Variants in PRKCH observed in about 807,000 individuals in gnomAD.
The protein encoded by PRKCH is protein kinase C eta type.
In PRKCH, 28 loss-of-function variants were observed where a neutral mutation model predicts 82.5. That is an observed-to-expected ratio of 0.34 (90% confidence interval 0.25 to 0.47). PRKCH has a LOEUF of 0.47. Among genes scored for constraint, PRKCH ranks in the 20% least tolerant of loss-of-function variants. The pLI, the probability that PRKCH is intolerant of heterozygous loss-of-function variation, is 1.00. For missense variants in PRKCH, 705 were observed against 881.8 expected (o/e 0.80, Z 2.54); for synonymous variants, 322 against 327.4 (o/e 0.98, Z 0.18).
rs115860494 is a variant in PRKCH at position 61,436,827 on chromosome 14, C to T, written c.428-6284C>T. Among the ~76,000 whole-genome samples the T allele has an allele frequency of 2.3e-3, 355 of 152,378 alleles. 2 individuals are homozygous for T. Among genetic ancestry groups the T allele is most frequent in the African/African-American group, 8.0e-3 (334 of 41,586 alleles). ...GATTACAGGCATGAGCCGCCACACCCGGCCTTGCTGCCATTTTTAAATACC... is the reference window on the plus strand; with the variant it reads ...GATTACAGGCATGAGCCGCCACACCTGGCCTTGCTGCCATTTTTAAATACC... On this transcript the variant is annotated intron_variant, in intron 2 of 13. Transcript: ENST00000332981.
At chr14:61,425,770 T>A (rs770909374) in intron 2 of PRKCH, among the ~76,000 whole-genome samples, 2 of 152,244 alleles carry the variant, frequency 1.3e-5, no homozygotes, top group Non-Finnish European at 2.9e-5. Flanking sequence ...TTAGGCTTTG[T>A]GTCCCCACCT....
intron 1 of PRKCH, among the ~76,000 whole-genome samples, chr14:61,239,251 T>C (rs2044814896): frequency 6.6e-6 from 1 of 152,216 alleles, no homozygotes; most frequent in Middle Eastern, 3.2e-3. Flanking sequence ...CAATCCATTT[T>C]ACTAAGGGTT....
At chr14:61,498,969 C>T (rs1329347953) in intron 10 of PRKCH, among the ~76,000 whole-genome samples, 1 of 152,140 alleles carries the variant, frequency 6.6e-6, no homozygotes, top group Non-Finnish European at 1.5e-5. Context: ...GAAATGATTT[C>T]AGCCCTAAGG....
chr14:61,254,019 C>T (rs1594875884), intron 1 of PRKCH, among the ~76,000 whole-genome samples: 1 of 136,494 alleles, frequency 7.3e-6, no homozygotes, highest in African/African-American at 2.7e-5. Context: ...CCCTTCCTTC[C>T]TTCCTTCCTT....
intron 2 of PRKCH, among the ~76,000 whole-genome samples, chr14:61,421,602 A>G (rs932101915): frequency 2.6e-5 from 4 of 152,144 alleles, no homozygotes. Flanking sequence ...CCAGACCTTC[A>G]TATTCATTGT....
chr14:61,499,256 A>C (rs1259176792), intron 10 of PRKCH, among the ~76,000 whole-genome samples: 1 of 152,200 alleles, frequency 6.6e-6, no homozygotes, highest in African/African-American at 2.4e-5. Context: ...TTGTCTTGCA[A>C]ATGTCAAATT....
intron 1 of PRKCH, among the ~76,000 whole-genome samples, chr14:61,326,683 C>T (rs2045701366): frequency 6.6e-6 from 1 of 152,202 alleles, no homozygotes; most frequent in Admixed American, 6.5e-5. Flanking sequence ...GACAGAATTT[C>T]AGCTGAGCCA....
chr14:61,210,813 T>TGTGC (rs1171409388), intron 1 of PRKCH, among the ~76,000 whole-genome samples: 2 of 151,242 alleles, frequency 1.3e-5, no homozygotes, highest in African/African-American at 4.9e-5. Flanking sequence ...TGTGTGTGTG[T>TGTGC]GCGTGCACGC....
rs1887099057 is a variant in PRKCH, at chr14:61,505,395, C to CTTTTTCTTTTTTTTTTTTTTTTTTT, written c.1433+19744_1433+19745insCTTTTTTTTTTTTTTTTTTTTTTTT. 3.0e-4 allele frequency among the ~76,000 whole-genome samples: 17 copies of CTTTTTCTTTTTTTTTTTTTTTTTTT among 55,738 alleles called. 1 individual carries two copies. The highest frequency in any genetic ancestry group is 6.5e-4 in the African/African-American group (10 of 15,364). The allele number at this position is 55,738 out of a possible 152,430, so 36.6% of individuals were successfully genotyped here. A position where few individuals can be genotyped will look rare whatever the true frequency, so the allele number is the denominator to read the frequency against. Reference sequence around the variant, plus strand: ...TTTGTCTTTTCTTTTCTTTTCTTTTCTTTTTTTTTTTTTTTTTTTTTTTTT... The same window carrying CTTTTTCTTTTTTTTTTTTTTTTTTT: ...TTTGTCTTTTCTTTTCTTTTCTTTTCTTTTTCTTTTTTTTTTTTTTTTTTTTTTTTTTTTTTTTTTTTTTTTTTTT... On this transcript the variant is annotated intron_variant, in intron 10 of 13. Coordinates refer to ENST00000332981, the MANE Select transcript of PRKCH (RefSeq NM_006255.5).
At chr14:61,355,217 T>A (rs2046132931) in intron 1 of PRKCH, among the ~76,000 whole-genome samples, 3 of 152,250 alleles carry the variant, frequency 2.0e-5, no homozygotes, top group African/African-American at 7.2e-5. Context: ...CTTGTCTTAT[T>A]TTCTGCTAAA....
At chr14:61,385,183 G>A (rs941256739) in intron 1 of PRKCH, among the ~76,000 whole-genome samples, 1 of 150,680 alleles carries the variant, frequency 6.6e-6, no homozygotes, top group African/African-American at 2.5e-5. Context: ...TTTCTATGTG[G>A]GGCTGCCCTA....
intron 12 of PRKCH, among the ~76,000 whole-genome samples, chr14:61,545,977 G>C (rs2043252416): frequency 6.6e-6 from 1 of 152,178 alleles, no homozygotes; most frequent in Non-Finnish European, 1.5e-5. Flanking sequence ...GGCAGGCCTG[G>C]GAATTTCCCA....
At chr14:61,265,481 AAAAAAC>A (rs2045091486) in intron 1 of PRKCH, among the ~76,000 whole-genome samples, 1 of 152,190 alleles carries the variant, frequency 6.6e-6, no homozygotes. Context: ...ACCTTGTCTC[AAAAAAC>A]AAAAACAAAA....
rs763975643 is a variant in PRKCH at position 61,280,416 on chromosome 14, G to A, written c.-19+92748G>A. ...ACACCACGAAGTCCTGATTGATGAA[G>A]CCGGTGTTGTTGGGGTCGGGGCTGA... On this transcript the variant is annotated intron_variant, in intron 1 of 3. Coordinates refer to the PRKCH transcript ENST00000555185. The surrounding 1 kb of genome is among the most constrained non-coding windows in gnomAD (Gnocchi z 5.0). The A allele has an allele frequency of 6.2e-7, 1 of 1,614,026 alleles. No individual in the cohort carries two copies. The highest frequency in any genetic ancestry group is 1.1e-5 in the South Asian group (1 of 91,088).
intron 1 of PRKCH, among the ~76,000 whole-genome samples, chr14:61,343,351 CA>C (rs57154047): frequency 0.12 from 10,186 of 86,860 alleles, 301 homozygotes; most frequent in African/African-American, 0.19. Flanking sequence ...CCAGTTCCCT[CA>C]AAAAAAAAAA....
intron 1 of PRKCH, among the ~76,000 whole-genome samples, chr14:61,327,989 G>A (rs555351590): frequency 1.1e-4 from 16 of 151,564 alleles, no homozygotes; most frequent in Admixed American, 2.0e-4. Context: ...GGTGGCTCAC[G>A]CCTGTAATCC....
In PRKCH at chr14:61,450,804, A is replaced by G. The variant is rs1057433698; in HGVS notation, c.703-38A>G. ...AGTTTTTACAAAGGACATTGGTATG[A>G]CATTTTAGCTCTTGTCCCTTTATTT... On this transcript the variant is annotated intron_variant, in intron 5 of 13. Coordinates refer to ENST00000332981, the MANE Select transcript of PRKCH (RefSeq NM_006255.5). 10 of 1,602,566 alleles carry G rather than the reference A, an allele frequency of 6.2e-6. No individual in the cohort carries two copies. The African/African-American group carries it at 9.4e-5, about 15-fold the overall frequency.
At chr14:61,451,872 G>T (rs1884524675) in intron 6 of PRKCH, among the ~76,000 whole-genome samples, 1 of 152,226 alleles carries the variant, frequency 6.6e-6, no homozygotes, top group Non-Finnish European at 1.5e-5. Flanking sequence ...CCAGTCACTT[G>T]TCTTTAAGAA....
At chr14:61,498,116 C>T (rs956867054) in intron 10 of PRKCH, among the ~76,000 whole-genome samples, 2 of 152,074 alleles carry the variant, frequency 1.3e-5, no homozygotes, top group Non-Finnish European at 2.9e-5. Context: ...CGGGCTCAAG[C>T]GATTCTCCTG....
Sources: gnomAD v4.1 joint callset for allele counts (sites outside exome capture counted in the v4.1 genomes callset) on GRCh38, gnomAD v4.1.1 for gene constraint, Gnocchi (gnomAD v3.1) non-coding constraint, MANE v1.5 for transcripts, NCBI Gene and HGNC (gene_info 2026-07-23, HGNC 2026-07-21) for gene names.